The following SNIP1 variants were observed in gnomAD, a reference collection of about 807,000 sequenced individuals.
SNIP1 encodes the protein smad nuclear-interacting protein 1.
Under a neutral mutation model 37.4 loss-of-function variants are expected in SNIP1, and 23 were observed. The observed-to-expected ratio is 0.61, with a 90% CI of 0.44 to 0.87. SNIP1 has a LOEUF of 0.87. SNIP1 is among the 40% of genes least tolerant of loss of function. The probability of loss-of-function intolerance (pLI) is 0.00; values close to 1 mark genes in which losing one functional copy is unlikely to be tolerated. For synonymous variants in SNIP1, 174 were observed against 200.0 expected (o/e 0.87, Z 1.10); for missense variants, 459 against 540.4 (o/e 0.85, Z 1.49).
At chr1:37,544,721 G>GCGCCGTGCAGCCAC (rs1212118604) in intron 2 of SNIP1, 1 of 626,828 alleles carries the variant, frequency 1.6e-6, no homozygotes, top group Non-Finnish European at 3.0e-6. Context: ...CGCCACTCCA[G>GCGCCGTGCAGCCAC]CGCCGTGCAG....
intron 2 of SNIP1, among the ~76,000 whole-genome samples, chr1:37,551,642 T>C (rs1643303405): frequency 6.6e-6 from 1 of 152,232 alleles, no homozygotes; most frequent in Admixed American, 6.5e-5. Context: ...GGTAGCCATC[T>C]GCAATCCAAG....
At position 37,554,157 on chromosome 1, in the gene SNIP1, C is replaced by A. The variant is rs1290948112; in HGVS notation, c.73G>T (p.Ala25Ser). ...CGCTCCTGCTTCACCACCACCCCCG[C>A]CGGCAGCACCACGTCCCCGTCCCGG... ...RHRDGDVVLP[A>S]GVVVKQERLS... The change falls in exon 1 of 4, where the codon GCG becomes TCG. Residue 25 changes from alanine (A) to serine (S), a missense_variant. By Grantham distance (99) the Ala-to-Ser change is moderately conservative (BLOSUM62 1). Coordinates refer to ENST00000296215, the MANE Select transcript of SNIP1 (RefSeq NM_024700.4). 1 of 1,612,834 alleles carries A rather than the reference C, an allele frequency of 6.2e-7. No individual in the cohort carries two copies. Among genetic ancestry groups the A allele is most frequent in the East Asian group, 2.2e-5 (1 of 44,862 alleles).
In SNIP1 at chr1:37,536,432, C is replaced by T. The variant is rs1330860782; in HGVS notation, c.*1316G>A. ...CCTGCCCCACAACACTCTAAAACAG[C>T]TACCTACTTTTATCTCAAAAGTACT... is the stretch of plus-strand genomic sequence containing the variant. On this transcript the variant is annotated 3_prime_UTR_variant, in exon 4 of 4. Coordinates refer to ENST00000296215, the MANE Select transcript of SNIP1 (RefSeq NM_024700.4). The T allele has an allele frequency of 6.6e-6, 1 of 152,236 alleles. No homozygotes were observed. The highest frequency in any genetic ancestry group is 1.5e-5 in the Non-Finnish European group (1 of 68,034). The allele number at this position is 152,236 out of a possible 1,614,324, so 9.4% of individuals were successfully genotyped here.
In SNIP1 at chr1:37,554,208, G is replaced by A. The variant is rs371875381; in HGVS notation, c.22C>T (p.Arg8Trp). Residue 8 changes from arginine (R) to tryptophan (W), a missense_variant, in exon 1 of 4, where the codon CGG (arginine) becomes TGG (tryptophan). Physicochemically the swap from Arg to Trp is moderately radical, Grantham distance 101. Transcript: ENST00000296215. Reference protein sequence around the residue: MKAVKSERERGSRRRHRD... With the variant: MKAVKSEWERGSRRRHRD... The stretch of plus-strand genomic sequence containing the variant: ...TGTCTTCGCCGGCTCCCTCGCTCCC[G>A]TTCGCTCTTCACCGCCTTCATTCTG... 1.2e-5 allele frequency: 20 copies of A among 1,606,876 alleles called. No individual in the cohort carries two copies. Among genetic ancestry groups the A allele is most frequent in the Non-Finnish European group, 1.6e-5 (19 of 1,176,114 alleles).
chr1:37,542,946 G>A (rs1643191386), intron 2 of SNIP1, among the ~76,000 whole-genome samples: 2 of 151,652 alleles, frequency 1.3e-5, no homozygotes, highest in Admixed American at 1.3e-4. Flanking sequence ...TGTAATCTCA[G>A]CTATTTCGGA....
At chr1:37,544,785 G>A (rs1305782087) in intron 2 of SNIP1, 16 of 734,436 alleles carry the variant, frequency 2.2e-5, no homozygotes, top group Admixed American at 3.5e-5. Flanking sequence ...CGTCCCCCTC[G>A]CAGGTGCGCC....
chr1:37,543,221 T>A (rs1643193769), intron 2 of SNIP1, among the ~76,000 whole-genome samples: 2 of 151,664 alleles, frequency 1.3e-5, no homozygotes, highest in Admixed American at 1.3e-4. Flanking sequence ...ACAGGAAAAA[T>A]GGGTATTTTC....
chr1:37,546,210 G>A (rs1328805763), intron 2 of SNIP1, among the ~76,000 whole-genome samples: 1 of 151,210 alleles, frequency 6.6e-6, no homozygotes, highest in Non-Finnish European at 1.5e-5. Context: ...CTTAGAGTGG[G>A]ACTCAGTTTT....
chr1:37,544,704 C>G, intron 2 of SNIP1: 1 of 592,870 alleles, frequency 1.7e-6, no homozygotes, highest in Non-Finnish European at 3.1e-6. Context: ...TGTCCCAAGG[C>G]CCCCGCCGCC....
intron 2 of SNIP1, 21 bp downstream of exon 2, chr1:37,552,624 A>G: frequency 6.2e-7 from 1 of 1,603,478 alleles, no homozygotes; most frequent in Non-Finnish European, 8.5e-7. Flanking sequence ...TGGACCCATC[A>G]AAACACCCCA....
At chr1:37,549,561 T>A (rs765223542) in intron 2 of SNIP1, among the ~76,000 whole-genome samples, 2 of 152,100 alleles carry the variant, frequency 1.3e-5, no homozygotes, top group Non-Finnish European at 2.9e-5. Context: ...ACCACAGGCA[T>A]GCCACCACGC....
rs1014869366 is a variant in SNIP1, at chr1:37,543,804, C to T, written c.328-3049G>A. Among the ~76,000 whole-genome samples, 5 of 150,986 alleles carry T rather than the reference C, an allele frequency of 3.3e-5. No individual in the cohort carries two copies. The East Asian group carries it at 9.7e-4, about 29-fold the overall frequency. On this transcript the variant is annotated intron_variant, in intron 2 of 3. Coordinates refer to ENST00000296215, the MANE Select transcript of SNIP1 (RefSeq NM_024700.4). ...AATACTAAAGAATACTAGACACACA[C>T]AAGGAAATGGAAACAAGCCACTGAG...
rs35905865 is a variant in SNIP1 at position 37,538,508 on chromosome 1, CAAAAAAA to C, written c.927-503_927-497del. On this transcript the variant is annotated intron_variant, in intron 3 of 3. Transcript: ENST00000296215. ...TGGGCAACAGAGCGAGACTCTGTCT[CAAAAAAA>C]AAAAAAAAAAAAAAGGTGAGAATGA... Among the ~76,000 whole-genome samples, 5 of 57,958 alleles carry C rather than the reference CAAAAAAA, an allele frequency of 8.6e-5. No individual in the cohort carries two copies. In the South Asian group the frequency reaches 2.9e-3, roughly 33 times the overall value. The allele number at this position is 57,958 out of a possible 152,430, so 38.0% of individuals were successfully genotyped here.
At chr1:37,553,849 G>A (rs1008593833) in intron 1 of SNIP1, among the ~76,000 whole-genome samples, 157 bp downstream of exon 1, 1 of 152,218 alleles carries the variant, frequency 6.6e-6, no homozygotes, top group African/African-American at 2.4e-5. Flanking sequence ...GACAGAGCAA[G>A]CATAACACAA....
At position 37,537,949 on chromosome 1, in the gene SNIP1, G is replaced by A; in HGVS notation, c.990C>T (p.Asp330=). 6.2e-7 allele frequency: 1 copy of A among 1,614,126 alleles called. No individual in the cohort carries two copies. Among genetic ancestry groups the A allele is most frequent in the Non-Finnish European group, 8.5e-7 (1 of 1,180,034 alleles). ...VGRRVKPYII[D]LGSGNGTFLN... is the part of the protein sequence containing the mutation. ...AGAAGGTTCCATTGCCTGAGCCAAG[G>A]TCAATGATGTAGGGCTTCACTCTTC... The change falls in exon 4 of 4, where the codon GAC becomes GAT. Residue 330 remains aspartate, a synonymous_variant. Coordinates refer to ENST00000296215, the MANE Select transcript of SNIP1 (RefSeq NM_024700.4).
Position 37,540,592 on chromosome 1 carries a change from C to G in SNIP1, c.491G>C (p.Gly164Ala). 1 of 1,614,126 alleles carries G rather than the reference C, an allele frequency of 6.2e-7. No individual in the cohort carries two copies. The highest frequency in any genetic ancestry group is 8.5e-7 in the Non-Finnish European group (1 of 1,180,038). The part of the protein sequence containing the change: ...NERPGSGQGQ[G>A]RDRDTQNLQA... Reference sequence around the variant, plus strand: ...CAGGTTCTGAGTGTCTCGATCCCGTCCCTGACCCTGCCCACTCCCAGGCCT... The same window carrying G: ...CAGGTTCTGAGTGTCTCGATCCCGTGCCTGACCCTGCCCACTCCCAGGCCT... The change falls in exon 3 of 4, where the codon GGA becomes GCA. Residue 164 changes from glycine to alanine, a missense_variant. Gly to Ala is a moderately conservative substitution (Grantham distance 60). Coordinates refer to ENST00000296215, the MANE Select transcript of SNIP1 (RefSeq NM_024700.4). The surrounding 1 kb of genome is among the most constrained non-coding windows in gnomAD (Gnocchi z 5.6).
Position 37,537,805 on chromosome 1 carries a change from T to A in SNIP1, c.1134A>T (p.Glu378Asp). 1 of 1,614,228 alleles carries A rather than the reference T, an allele frequency of 6.2e-7. No individual in the cohort carries two copies. Among genetic ancestry groups the A allele is most frequent in the East Asian group, 2.2e-5 (1 of 44,892 alleles). Residue 378 changes from glutamate to aspartate, a missense_variant, in exon 4 of 4, where the codon GAA becomes GAT. Transcript: ENST00000296215. ...CATCCTCGTCATCTTTCCTGTCTATTTCAGAAGTGTCCGACGACTCATGGA... is the reference window on the plus strand; with the variant it reads ...CATCCTCGTCATCTTTCCTGTCTATATCAGAAGTGTCCGACGACTCATGGA... ...VLLHESSDTS[E>D]IDRKDDEDEE...
intron 2 of SNIP1, among the ~76,000 whole-genome samples, chr1:37,547,309 T>A (rs1322859812): frequency 6.6e-6 from 1 of 152,088 alleles, no homozygotes; most frequent in Non-Finnish European, 1.5e-5. Flanking sequence ...CTCTGGCAAG[T>A]GAGGTGGAGG....
chr1:37,545,333 T>C, intron 2 of SNIP1: 1 of 570,870 alleles, frequency 1.8e-6, no homozygotes, highest in East Asian at 4.3e-5. Context: ...AGCCATGGGG[T>C]GACTTCCCTG....
Sources: allele counts gnomAD v4.1 joint callset (sites outside exome capture counted in the v4.1 genomes callset), GRCh38; gene constraint gnomAD v4.1.1; non-coding constraint Gnocchi (gnomAD v3.1); transcripts MANE v1.5; gene names NCBI Gene and HGNC (gene_info 2026-07-23, HGNC 2026-07-21).